The following SMARCC1 variants were observed in gnomAD, a reference collection of about 807,000 sequenced individuals.
SMARCC1 encodes SWI/SNF complex subunit SMARCC1.
In SMARCC1, 43 loss-of-function variants were observed where a neutral mutation model predicts 147.4. The ratio of observed to expected loss-of-function variants is 0.29; its 90% CI spans 0.23 to 0.38. SMARCC1 has a LOEUF of 0.38. Among genes scored for constraint, SMARCC1 ranks in the 10% least tolerant of loss-of-function variants. SMARCC1 has a pLI of 1.00. For synonymous variants in SMARCC1, 495 were observed against 484.4 expected (o/e 1.02, Z -0.29); for missense variants, 1,119 against 1,381.1 (o/e 0.81, Z 3.01).
At chr3:47,663,165 T>C (rs1371589295) in intron 19 of SMARCC1, among the ~76,000 whole-genome samples, 1 of 22,828 alleles carries the variant, frequency 4.4e-5, no homozygotes, top group African/African-American at 1.9e-4. Flanking sequence ...GAAGGGAGGG[T>C]AGGGGAGAGG....
In SMARCC1 at chr3:47,610,133, A is replaced by G; in HGVS notation, c.2976T>C (p.Pro992=). 1.2e-6 allele frequency: 2 copies of G among 1,613,724 alleles called. No homozygotes were observed. Among genetic ancestry groups the G allele is most frequent in the Non-Finnish European group, 1.7e-6 (2 of 1,180,016 alleles). The part of the protein sequence containing the change: ...LGAAGHPGMM[P]HQQPPPYPLM... ...GAGGGTAGGGAGGGGGCTGTTGATG[A>G]GGCATCATGCCAGGGTGCCCTGCTG... Residue 992 remains proline (P), a synonymous_variant, in exon 26 of 28, where the codon CCT becomes CCC. Transcript: ENST00000254480.
intron 1 of SMARCC1, among the ~76,000 whole-genome samples, 154 bp from the exon 2 acceptor site, chr3:47,773,090 T>C (rs1008667774): frequency 6.6e-6 from 1 of 152,160 alleles, no homozygotes; most frequent in Non-Finnish European, 1.5e-5. Flanking sequence ...CAAAAACAAA[T>C]ATGTGTGTGC....
chr3:47,592,815 T>C (rs1309723620), intron 26 of SMARCC1, among the ~76,000 whole-genome samples: 2 of 127,698 alleles, frequency 1.6e-5, no homozygotes, highest in South Asian at 5.1e-4. Flanking sequence ...CCCAGGCTGG[T>C]AGTCTTGTTT....
intron 19 of SMARCC1, among the ~76,000 whole-genome samples, chr3:47,666,050 ATTT>A (rs1380551590): frequency 6.6e-6 from 1 of 152,118 alleles, no homozygotes; most frequent in Non-Finnish European, 1.5e-5. Flanking sequence ...GCCTAAAACT[ATTT>A]TATTATGTGT....
chr3:47,781,074 A>G (rs1339905922), intron 1 of SMARCC1, among the ~76,000 whole-genome samples: 1 of 152,198 alleles, frequency 6.6e-6, no homozygotes, highest in East Asian at 1.9e-4. Flanking sequence ...CACGCCACAC[A>G]GAACCAGAAG....
intron 3 of SMARCC1, among the ~76,000 whole-genome samples, chr3:47,738,682 C>CA (rs756718637): frequency 0.011 from 1,377 of 128,200 alleles, 9 homozygotes; most frequent in Non-Finnish European, 0.016. Context: ...GACTCCGTCT[C>CA]AAAAAAAAAA....
chr3:47,733,448 A>G (rs552191860), intron 5 of SMARCC1, among the ~76,000 whole-genome samples: 10 of 152,080 alleles, frequency 6.6e-5, no homozygotes, highest in Non-Finnish European at 1.0e-4. Flanking sequence ...AGTGGAGCAC[A>G]CCTGTTGTTA....
chr3:47,709,411 C>T (rs753227203), intron 9 of SMARCC1, among the ~76,000 whole-genome samples: 4 of 152,080 alleles, frequency 2.6e-5, no homozygotes, highest in African/African-American at 4.8e-5. Context: ...ACAGGTCAGG[C>T]GCGGTGGCTC....
At chr3:47,639,080 C>T (rs143756167) in intron 21 of SMARCC1, among the ~76,000 whole-genome samples, 3 of 152,268 alleles carry the variant, frequency 2.0e-5, no homozygotes, top group Non-Finnish European at 4.4e-5. Flanking sequence ...GTGCTGGTAA[C>T]GCTCTGTTTC....
rs1195965314 is a variant in SMARCC1, at chr3:47,736,710, T to TA, written c.484-585dup. ...AATATATAAAATCAAATAAAATAAA[T>TA]AAAAAAAATAAAAAATAGCAATGGC... On this transcript the variant is annotated intron_variant, in intron 4 of 27. Transcript: ENST00000254480. 6.6e-5 allele frequency among the ~76,000 whole-genome samples: 10 copies of TA among 150,890 alleles called. 1 individual carries two copies. Among genetic ancestry groups the TA allele is most frequent in the East Asian group, 1.9e-4 (1 of 5,138 alleles).
intron 21 of SMARCC1, among the ~76,000 whole-genome samples, chr3:47,659,282 TAAAAAAAAAAG>T (rs1420519580): frequency 4.1e-5 from 5 of 123,312 alleles, no homozygotes; most frequent in South Asian, 2.4e-4. Flanking sequence ...AAATAAAAAA[TAAAAAAAAAAG>T]AAAAAAAAAA....
rs1042979669 is a variant in SMARCC1, at chr3:47,666,790, A to G, written c.1899+3868T>C. ...GTTAGTGTATTTTATGTGTGGCCCA[A>G]TGTGGCCCAGGGAAGCCAAAGATTG... On this transcript the variant is annotated intron_variant, in intron 19 of 27. Transcript: ENST00000254480. 2.0e-5 allele frequency among the ~76,000 whole-genome samples: 3 copies of G among 152,274 alleles called. 1 individual carries two copies. The South Asian group carries it at 6.2e-4, about 32-fold the overall frequency.
intron 7 of SMARCC1, among the ~76,000 whole-genome samples, chr3:47,719,254 C>T (rs1387709953): frequency 2.0e-5 from 3 of 152,096 alleles, no homozygotes; most frequent in South Asian, 4.2e-4. Context: ...TTATAATACT[C>T]GTTATTCATA....
intron 19 of SMARCC1, chr3:47,663,641 G>A: frequency 6.6e-7 from 1 of 1,511,420 alleles, no homozygotes; most frequent in Non-Finnish European, 9.2e-7. Flanking sequence ...TGTGATTCCA[G>A]AGGTCCCCTT....
At chr3:47,689,013 C>G (rs2033761487) in intron 13 of SMARCC1, among the ~76,000 whole-genome samples, 1 of 151,904 alleles carries the variant, frequency 6.6e-6, no homozygotes, top group Non-Finnish European at 1.5e-5. Flanking sequence ...AGTTCGCAAC[C>G]AGCCTGGGCA....
chr3:47,729,068 T>G lies in SMARCC1; in HGVS notation c.603A>C (p.Lys201Asn). Residue 201 changes from lysine to asparagine, a missense_variant, in exon 6 of 28, where the codon AAA (lysine) becomes AAC (asparagine). Lys to Asn is a moderately conservative substitution (Grantham distance 94, BLOSUM62 0). Transcript: ENST00000254480. The stretch of plus-strand genomic sequence containing the variant: ...AATATGGGTAAATGTGGTGGGAAGC[T>G]TTTGACTTCTCATCCGTAAATGTTC... The part of the protein sequence containing the change: ...HQGTFTDEKS[K>N]ASHHIYPYSS... 6.2e-7 allele frequency: 1 copy of G among 1,612,420 alleles called. No individual in the cohort carries two copies. The highest frequency in any genetic ancestry group is 2.2e-5 in the East Asian group (1 of 44,838).
chr3:47,773,048 CTGAG>C, intron 1 of SMARCC1, 112 bp from the exon 2 acceptor site: 1 of 845,112 alleles, frequency 1.2e-6, no homozygotes, highest in South Asian at 1.8e-5. Context: ...TTATAGATGT[CTGAG>C]ACACGCTCTG....
chr3:47,617,860 C>A (rs575351281), intron 25 of SMARCC1, among the ~76,000 whole-genome samples: 5 of 152,118 alleles, frequency 3.3e-5, no homozygotes, highest in Non-Finnish European at 7.4e-5. Flanking sequence ...GGTCTGTGAC[C>A]AACAGGATGT....
At chr3:47,751,472 C>A (rs371549421) in intron 2 of SMARCC1, among the ~76,000 whole-genome samples, 9 of 151,348 alleles carry the variant, frequency 5.9e-5, no homozygotes, top group East Asian at 3.9e-4. Context: ...ACCCAGGAGG[C>A]GGAAGTTGCA....
Sources: gnomAD v4.1 joint callset for allele counts (sites outside exome capture counted in the v4.1 genomes callset) on GRCh38, gnomAD v4.1.1 for gene constraint, MANE v1.5 for transcripts, NCBI Gene and HGNC (gene_info 2026-07-23, HGNC 2026-07-21) for gene names.